SLC16A7: variants seen among roughly 807,000 people sequenced by gnomAD.
SLC16A7 encodes monocarboxylate transporter 2.
SLC16A7 carries 33 observed loss-of-function variants against 34.9 expected under a neutral mutation model. That is an observed-to-expected ratio of 0.94 (90% CI 0.72 to 1.26). The LOEUF is 1.26. SLC16A7 is among the 50% of genes most tolerant of loss of function. The probability of loss-of-function intolerance (pLI) is 0.00; values close to 1 mark genes in which losing one functional copy is unlikely to be tolerated. For missense variants in SLC16A7, 573 were observed against 578.1 expected, an observed-to-expected ratio of 0.99 and a Z score of 0.09; for synonymous variants, 201 against 206.6, an observed-to-expected ratio of 0.97 and a Z score of 0.23.
chr12:59,765,825 T>G (rs1338348070), intron 3 of SLC16A7, among the ~76,000 whole-genome samples: 1 of 152,200 alleles, frequency 6.6e-6, no homozygotes, highest in Non-Finnish European at 1.5e-5. Flanking sequence ...GGCTCTTTTT[T>G]CGTTCCATAT....
intron 3 of SLC16A7, among the ~76,000 whole-genome samples, chr12:59,718,081 A>C (rs544158755): frequency 6.6e-6 from 1 of 152,198 alleles, no homozygotes; most frequent in Non-Finnish European, 1.5e-5. Flanking sequence ...AATATTTATT[A>C]ACCATAGAAT....
intron 2 of SLC16A7, among the ~76,000 whole-genome samples, chr12:59,698,197 G>T (rs1348029409): frequency 6.6e-6 from 1 of 151,562 alleles, no homozygotes; most frequent in Non-Finnish European, 1.5e-5. Context: ...AAACAGTCCT[G>T]AATTTTTATG....
At chr12:59,708,374 A>G (rs964400006) in intron 3 of SLC16A7, among the ~76,000 whole-genome samples, 2 of 152,186 alleles carry the variant, frequency 1.3e-5, no homozygotes, top group African/African-American at 4.8e-5. Context: ...CTCTGAAAAC[A>G]ACTTCACTTT....
chr12:59,602,676 G>T (rs59320157), intron 1 of SLC16A7, among the ~76,000 whole-genome samples: 15 of 151,692 alleles, frequency 9.9e-5, no homozygotes, highest in South Asian at 8.3e-4. Context: ...GTAGAAATAG[G>T]GTTTCACCAT....
intron 2 of SLC16A7, among the ~76,000 whole-genome samples, chr12:59,671,086 C>T (rs1454694697): frequency 6.6e-6 from 1 of 152,172 alleles, no homozygotes; most frequent in African/African-American, 2.4e-5. Context: ...CCTCTACGGT[C>T]ATTTCTGTAA....
chr12:59,619,737 T>G (rs1371063153), intron 1 of SLC16A7, among the ~76,000 whole-genome samples: 1 of 151,992 alleles, frequency 6.6e-6, no homozygotes, highest in African/African-American at 2.4e-5. Context: ...TGTTGGCATG[T>G]GCAAGTGGAA....
chr12:59,769,382 A>C (rs1882001976), intron 3 of SLC16A7: 1 of 152,010 alleles, frequency 6.6e-6, no homozygotes, highest in Non-Finnish European at 1.5e-5. Context: ...TGTATAATTT[A>C]TTTTCTTCAG....
intron 1 of SLC16A7, among the ~76,000 whole-genome samples, chr12:59,619,164 G>T (rs1485297269): frequency 6.6e-6 from 1 of 152,038 alleles, no homozygotes; most frequent in African/African-American, 2.4e-5. Flanking sequence ...TGATTTACAA[G>T]ATTCCTTTTT....
chr12:59,682,227 GT>G (rs1249868300), intron 2 of SLC16A7, among the ~76,000 whole-genome samples: 3 of 152,116 alleles, frequency 2.0e-5, no homozygotes, highest in Non-Finnish European at 4.4e-5. Context: ...AGCAATGTCT[GT>G]TTTAGGATTG....
chr12:59,747,527 A>G (rs1879022747), intron 3 of SLC16A7, among the ~76,000 whole-genome samples: 1 of 152,168 alleles, frequency 6.6e-6, no homozygotes, highest in East Asian at 1.9e-4. Context: ...AGAACTTGTG[A>G]TCTTAACTTC....
chr12:59,688,296 G>A (rs906257209), intron 2 of SLC16A7, among the ~76,000 whole-genome samples: 5 of 152,026 alleles, frequency 3.3e-5, no homozygotes, highest in African/African-American at 1.2e-4. Context: ...ATACAAGAGG[G>A]TGGAGAAGGA....
intron 4 of SLC16A7, among the ~76,000 whole-genome samples, chr12:59,772,639 A>T (rs968895919): frequency 6.6e-6 from 1 of 152,090 alleles, no homozygotes; most frequent in African/African-American, 2.4e-5. Flanking sequence ...TTTAAACTTG[A>T]TACATATGAT....
intron 5 of SLC16A7, 120 bp downstream of exon 5, chr12:59,775,595 G>T (rs1257172033): frequency 4.3e-6 from 3 of 694,950 alleles, no homozygotes; most frequent in Non-Finnish European, 6.9e-6. Context: ...AAGGAATATG[G>T]GCAGGTTAAT....
chr12:59,690,954 A>G (rs900010255), intron 2 of SLC16A7, among the ~76,000 whole-genome samples: 11 of 152,020 alleles, frequency 7.2e-5, no homozygotes, highest in Admixed American at 3.9e-4. Flanking sequence ...AGAAAATTTT[A>G]TATTTAATAT....
At chr12:59,728,430 CA>C in intron 3 of SLC16A7, among the ~76,000 whole-genome samples, 1 of 152,292 alleles carries the variant, frequency 6.6e-6, no homozygotes, top group African/African-American at 2.4e-5. Flanking sequence ...ACTAAGATGG[CA>C]AATGATCAAT....
intron 2 of SLC16A7, among the ~76,000 whole-genome samples, chr12:59,680,702 T>C (rs771282316): frequency 6.6e-6 from 1 of 151,208 alleles, no homozygotes; most frequent in Non-Finnish European, 1.5e-5. Flanking sequence ...GTATTCATGT[T>C]TTTTTTTTAG....
intron 3 of SLC16A7, among the ~76,000 whole-genome samples, chr12:59,763,222 T>C (rs189842024): frequency 6.6e-6 from 1 of 152,032 alleles, no homozygotes; most frequent in Admixed American, 6.6e-5. Flanking sequence ...CAGATACAGG[T>C]TTTTGTCTCA....
intron 2 of SLC16A7, among the ~76,000 whole-genome samples, chr12:59,703,379 A>G (rs888387317): frequency 2.0e-5 from 3 of 152,176 alleles, no homozygotes; most frequent in African/African-American, 7.2e-5. Context: ...TTATACCTCT[A>G]CTTCCTATAA....
intron 1 of SLC16A7, among the ~76,000 whole-genome samples, chr12:59,600,188 A>G (rs1047041972): frequency 6.6e-6 from 1 of 152,270 alleles, no homozygotes; most frequent in African/African-American, 2.4e-5. Context: ...AAATAACTCA[A>G]TAACTACTTT....
Sources: allele counts gnomAD v4.1 joint callset (sites outside exome capture counted in the v4.1 genomes callset), GRCh38; gene constraint gnomAD v4.1.1; transcripts MANE v1.5; gene names NCBI Gene and HGNC (gene_info 2026-07-23, HGNC 2026-07-21).